The following OSBP2 variants were observed in gnomAD, a reference collection of about 807,000 sequenced individuals.
OSBP2 encodes the protein oxysterol-binding protein 2.
OSBP2 carries 66 observed loss-of-function variants against 96.0 expected under a neutral mutation model. The ratio of observed to expected loss-of-function variants is 0.69; its 90% CI spans 0.56 to 0.84. OSBP2 has a LOEUF of 0.84. OSBP2 is among the 40% of genes least tolerant of loss of function. OSBP2 has a pLI of 0.00. For synonymous variants in OSBP2, 525 were observed against 520.9 expected (o/e 1.01, Z -0.11); for missense variants, 1,038 against 1,222.7 (o/e 0.85, Z 2.25).
chr22:30,796,786 G>T (rs754865170), intron 2 of OSBP2, among the ~76,000 whole-genome samples: 1 of 152,206 alleles, frequency 6.6e-6, no homozygotes, highest in Non-Finnish European at 1.5e-5. Flanking sequence ...GGGATTACAG[G>T]CGTGAGCCAC....
chr22:30,833,372 G>C (rs1291098773), intron 2 of OSBP2, among the ~76,000 whole-genome samples: 1 of 152,154 alleles, frequency 6.6e-6, no homozygotes, highest in Non-Finnish European at 1.5e-5. Context: ...GCATCTAAAA[G>C]AAATTTTAAA....
intron 1 of OSBP2, among the ~76,000 whole-genome samples, chr22:30,709,340 G>A (rs1230182669): frequency 6.6e-6 from 1 of 151,892 alleles, no homozygotes; most frequent in Non-Finnish European, 1.5e-5. Context: ...GCATTTTCTT[G>A]GTGTAGGTTA....
chr22:30,828,357 C>T (rs2038449097), intron 2 of OSBP2, among the ~76,000 whole-genome samples: 1 of 152,180 alleles, frequency 6.6e-6, no homozygotes, highest in East Asian at 1.9e-4. Flanking sequence ...GCACCCAGCC[C>T]AGAGGGGCTG....
intron 2 of OSBP2, among the ~76,000 whole-genome samples, chr22:30,760,374 C>G (rs2090191876): frequency 1.3e-5 from 2 of 152,176 alleles, no homozygotes; most frequent in African/African-American, 2.4e-5. Context: ...CAATATTTCT[C>G]ATGAGCATAG....
rs55743349 is a variant in OSBP2 at position 30,853,178 on chromosome 22, G to GT, written c.854-17247dup. ...ATTGATGTGTTCTAAATCCATACTA[G>GT]TTTTATCTACTTCTATCAGCTGTAT... On this transcript the variant is annotated intron_variant, in intron 2 of 13. Coordinates refer to ENST00000332585, the MANE Select transcript of OSBP2 (RefSeq NM_030758.4). Among the ~76,000 whole-genome samples, 751 of 152,230 alleles carry GT rather than the reference G, an allele frequency of 4.9e-3. 3 individuals are homozygous for GT. The highest frequency in any genetic ancestry group is 7.1e-3 in the Non-Finnish European group (483 of 68,020).
At chr22:30,694,698 C>G (rs1452754498), upstream of OSBP2, 13 of 240,662 alleles carry the variant, frequency 5.4e-5, no homozygotes, top group Admixed American at 7.2e-4. Flanking sequence ...CCGGCCGGAC[C>G]TAGGAAGGAC....
intron 1 of OSBP2, among the ~76,000 whole-genome samples, chr22:30,708,894 A>T (rs1332427080): frequency 6.6e-6 from 1 of 151,628 alleles, no homozygotes; most frequent in Non-Finnish European, 1.5e-5. Context: ...TGAGGTCAGG[A>T]GTTCGAGACC....
intron 2 of OSBP2, among the ~76,000 whole-genome samples, 156 bp downstream of exon 2, chr22:30,741,525 G>A (rs73154638): frequency 0.026 from 3,976 of 152,330 alleles, 79 homozygotes; most frequent in Non-Finnish European, 0.038. Context: ...TCTGTGCATC[G>A]TCAGCAGTGA....
intron 2 of OSBP2, among the ~76,000 whole-genome samples, chr22:30,777,034 T>C (rs879667570): frequency 3.3e-5 from 5 of 152,226 alleles, no homozygotes; most frequent in Admixed American, 6.5e-5. Context: ...TGCACCCCCA[T>C]TGTATCTAGG....
At position 30,905,852 on chromosome 22, in the gene OSBP2, CAT is replaced by C. The variant is rs1276486823; in HGVS notation, c.2392_2393del (p.Met798ValfsTer84). 1 of 1,613,302 alleles carries C rather than the reference CAT, an allele frequency of 6.2e-7. No homozygotes were observed. The highest frequency in any genetic ancestry group is 1.1e-5 in the South Asian group (1 of 91,064). Reference protein sequence around the residue: ...KYPLPENAENMYYFSELALTL... With the variant: ...KYPLPENAENXYYFSELALTL... ...ACCGCCACAGGGAGAACGCGGAGAA[CAT>C]GTACTACTTCTCAGAGCTGGCCCTG... is the stretch of plus-strand genomic sequence containing the variant. On this transcript the variant is annotated frameshift_variant, in exon 13 of 14. Coordinates refer to ENST00000332585, the MANE Select transcript of OSBP2 (RefSeq NM_030758.4). LOFTEE classifies it high-confidence loss of function.
Position 30,825,898 on chromosome 22 carries a change from A to G in OSBP2, c.854-44531A>G, listed in dbSNP as rs1284020775. 2.6e-5 allele frequency among the ~76,000 whole-genome samples: 4 copies of G among 152,244 alleles called. No individual in the cohort carries two copies. In the East Asian group the frequency reaches 7.7e-4, roughly 29 times the overall value. ...GAGAGCTGAGCTGAACTTGCAGCTGACTGGGTGATGTGTCTCAGAAACAGG... is the reference window on the plus strand; with the variant it reads ...GAGAGCTGAGCTGAACTTGCAGCTGGCTGGGTGATGTGTCTCAGAAACAGG... On this transcript the variant is annotated intron_variant, in intron 2 of 13. Transcript: ENST00000332585.
intron 2 of OSBP2, among the ~76,000 whole-genome samples, chr22:30,811,558 T>G (rs2091007094): frequency 6.6e-6 from 1 of 151,718 alleles, no homozygotes; most frequent in Admixed American, 6.6e-5. Context: ...TTTGTTTGTT[T>G]ATTTATTTAT....
At chr22:30,889,073 C>T in intron 5 of OSBP2, 104 bp from the exon 6 acceptor site, 1 of 964,436 alleles carries the variant, frequency 1.0e-6, no homozygotes, top group Non-Finnish European at 1.6e-6. Flanking sequence ...GTGACCAGGA[C>T]ATTTACTAGC....
At chr22:30,811,537 A>T (rs1249590576) in intron 2 of OSBP2, among the ~76,000 whole-genome samples, 1 of 150,842 alleles carries the variant, frequency 6.6e-6, no homozygotes, top group South Asian at 2.1e-4. Flanking sequence ...TTTTTAATTT[A>T]TATTTATTTA....
chr22:30,861,799 G>A (rs952865402), intron 2 of OSBP2, among the ~76,000 whole-genome samples: 2 of 152,152 alleles, frequency 1.3e-5, no homozygotes, highest in African/African-American at 4.8e-5. Context: ...TGTGCCTCAG[G>A]GGCGCTGCTC....
chr22:30,730,095 T>A (rs2089723755), intron 1 of OSBP2, among the ~76,000 whole-genome samples: 1 of 152,060 alleles, frequency 6.6e-6, no homozygotes, highest in East Asian at 1.9e-4. Flanking sequence ...TCCAAGTAGC[T>A]GGGACTACAG....
chr22:30,814,887 T>C (rs913856606), intron 2 of OSBP2, among the ~76,000 whole-genome samples: 53 of 152,344 alleles, frequency 3.5e-4, no homozygotes, highest in African/African-American at 1.3e-3. Flanking sequence ...GAGGCTTCTG[T>C]ACTTGCTTTC....
Position 30,730,802 on chromosome 22 carries a change from A to AT in OSBP2, c.645-10358dup, listed in dbSNP as rs1569100665. ...TATATATATATATATATATATATAT[A>AT]TATATAATTTTTTTTTTTTTTCCCA... On this transcript the variant is annotated intron_variant, in intron 1 of 13. Transcript: ENST00000332585. 8.9e-4 allele frequency among the ~76,000 whole-genome samples: 44 copies of AT among 49,338 alleles called. 3 individuals are homozygous for AT. Among genetic ancestry groups the AT allele is most frequent in the East Asian group, 3.7e-3 (6 of 1,608 alleles). The allele number at this position is 49,338 out of a possible 152,430, so 32.4% of individuals were successfully genotyped here.
chr22:30,824,587 A>C (rs1002949357), intron 2 of OSBP2, among the ~76,000 whole-genome samples: 2 of 152,132 alleles, frequency 1.3e-5, no homozygotes, highest in Non-Finnish European at 2.9e-5. Context: ...GGAGCTGCCT[A>C]GCCCCTGACA....
Sources: gnomAD v4.1 joint callset for allele counts (sites outside exome capture counted in the v4.1 genomes callset) on GRCh38, gnomAD v4.1.1 for gene constraint, MANE v1.5 for transcripts, NCBI Gene and HGNC (gene_info 2026-07-23, HGNC 2026-07-21) for gene names.